Variants in RAD51 observed in about 807,000 individuals in gnomAD.
RAD51 encodes RAD51 recombinase.
In RAD51, 14 loss-of-function variants were observed where a neutral mutation model predicts 41.5. That is an observed-to-expected ratio of 0.34 (90% CI 0.22 to 0.53). The LOEUF (loss-of-function observed/expected upper bound fraction) is 0.53, where lower values mean the gene tolerates loss of function less well. Ranked by LOEUF, RAD51 falls within the 20% of genes least tolerant of loss-of-function variation. The pLI is 0.95. For missense variants in RAD51, 234 were observed against 422.0 expected, an observed-to-expected ratio of 0.55 and a Z score of 3.90; for synonymous variants, 136 against 148.6, an observed-to-expected ratio of 0.92 and a Z score of 0.62.
intron 3 of RAD51, 37 bp downstream of exon 3, chr15:40,701,238 G>A (rs2141819526): frequency 6.2e-7 from 1 of 1,608,400 alleles, no homozygotes; most frequent in Non-Finnish European, 8.5e-7. Flanking sequence ...AGGCATTAGT[G>A]GGAATAGTAC....
intron 3 of RAD51, among the ~76,000 whole-genome samples, chr15:40,704,696 A>G (rs1365627087): frequency 6.4e-5 from 8 of 124,268 alleles, no homozygotes; most frequent in African/African-American, 2.5e-4. Context: ...TTGAGATGGA[A>G]TCTCGCTGTG....
chr15:40,700,952 C>CCGGG, intron 2 of RAD51, 112 bp from the exon 3 acceptor site: 1 of 1,139,806 alleles, frequency 8.8e-7, no homozygotes, highest in East Asian at 3.0e-5. Context: ...TTTCAAGGGA[C>CCGGG]AGTTGTATTA....
At chr15:40,709,513 A>G (rs1895558744) in intron 5 of RAD51, among the ~76,000 whole-genome samples, 1 of 150,762 alleles carries the variant, frequency 6.6e-6, no homozygotes, top group Admixed American at 6.7e-5. Flanking sequence ...ACCTGGGATT[A>G]CAGGCGCCCA....
intron 5 of RAD51, 55 bp downstream of exon 5, chr15:40,709,171 T>A (rs1895535972): frequency 6.9e-7 from 1 of 1,454,346 alleles, no homozygotes; most frequent in South Asian, 1.1e-5. Context: ...TCATTCCTGC[T>A]ATTTGCAAGC....
At chr15:40,719,031 T>C (rs1303902670) in intron 6 of RAD51, 132 bp downstream of exon 6, 1 of 813,716 alleles carries the variant, frequency 1.2e-6, no homozygotes, top group Non-Finnish European at 2.1e-6. Flanking sequence ...TTCAAAAGAA[T>C]GACTTCCTTA....
At chr15:40,697,435 C>A (rs1476185946) in intron 1 of RAD51, among the ~76,000 whole-genome samples, 5 of 151,988 alleles carry the variant, frequency 3.3e-5, no homozygotes, top group Admixed American at 6.6e-5. Context: ...GTTCAGTTTT[C>A]AGTCTTTTCC....
At chr15:40,718,601 A>G (rs1041467611) in intron 5 of RAD51, among the ~76,000 whole-genome samples, 1 of 152,104 alleles carries the variant, frequency 6.6e-6, no homozygotes, top group Non-Finnish European at 1.5e-5. Flanking sequence ...GACTAGCTGT[A>G]TGTACTGAGA....
chr15:40,709,184 C>CCTAACAGATGCT, intron 5 of RAD51, 68 bp downstream of exon 5: 1 of 1,364,952 alleles, frequency 7.3e-7, no homozygotes, highest in Non-Finnish European at 1.0e-6. Flanking sequence ...TTGCAAGCAT[C>CCTAACAGATGCT]TGTTAGGATG....
intron 1 of RAD51, among the ~76,000 whole-genome samples, chr15:40,697,691 T>C (rs1894736800): frequency 6.6e-6 from 1 of 150,452 alleles, no homozygotes; most frequent in Non-Finnish European, 1.5e-5. Flanking sequence ...CATTCTCCTG[T>C]CTCAGCCTGC....
chr15:40,710,427 G>C (rs1428312351), intron 5 of RAD51, among the ~76,000 whole-genome samples: 2 of 149,420 alleles, frequency 1.3e-5, no homozygotes, highest in African/African-American at 2.5e-5. Context: ...GCTTGAACCC[G>C]GGGGGCAGAG....
chr15:40,700,997 C>A, intron 2 of RAD51, 67 bp from the exon 3 acceptor site: 1 of 1,576,726 alleles, frequency 6.3e-7, no homozygotes, highest in Non-Finnish European at 8.7e-7. Flanking sequence ...GTATGTAGGA[C>A]ACATAACATC....
At chr15:40,723,594 C>A (rs967140388) in intron 6 of RAD51, among the ~76,000 whole-genome samples, 1 of 152,046 alleles carries the variant, frequency 6.6e-6, no homozygotes, top group Non-Finnish European at 1.5e-5. Flanking sequence ...ATGTATGATT[C>A]CATTTATATG....
At chr15:40,726,146 A>ATAT (rs1160591522) in intron 6 of RAD51, among the ~76,000 whole-genome samples, 1 of 152,192 alleles carries the variant, frequency 6.6e-6, no homozygotes, top group African/African-American at 2.4e-5. Context: ...TTTCAAACTT[A>ATAT]TATGTTAAGA....
rs946303519 is a variant in RAD51, at chr15:40,698,197, T to G, written c.-2-560T>G. Among the ~76,000 whole-genome samples, 27 of 145,256 alleles carry G rather than the reference T, an allele frequency of 1.9e-4. 1 individual carries two copies. Among genetic ancestry groups the G allele is most frequent in the Non-Finnish European group, 3.3e-4 (22 of 65,974 alleles). On this transcript the variant is annotated intron_variant, in intron 1 of 9. Coordinates refer to ENST00000267868, the MANE Select transcript of RAD51 (RefSeq NM_002875.5). ...TATGAGATGAACTTTTTTTTTTTTG[T>G]TTTTTTTTTTGAGACACAGTCTCAC...
At chr15:40,725,854 C>T (rs767468849) in intron 6 of RAD51, among the ~76,000 whole-genome samples, 4 of 152,052 alleles carry the variant, frequency 2.6e-5, no homozygotes, top group South Asian at 2.1e-4. Flanking sequence ...GGCATGTTAG[C>T]GGGCACCTGT....
At chr15:40,727,607 C>T (rs781459771) in intron 6 of RAD51, among the ~76,000 whole-genome samples, 1 of 152,100 alleles carries the variant, frequency 6.6e-6, no homozygotes, top group Admixed American at 6.6e-5. Flanking sequence ...TGAGCCACTG[C>T]GCCCAGCCAT....
At chr15:40,710,225 G>GA (rs1895610713) in intron 5 of RAD51, among the ~76,000 whole-genome samples, 1 of 110,810 alleles carries the variant, frequency 9.0e-6, no homozygotes, top group African/African-American at 3.8e-5. Context: ...CTGGGCGACA[G>GA]AGCGAGACTC....
chr15:40,709,263 CT>C (rs1174212821), intron 5 of RAD51, 147 bp downstream of exon 5: 7 of 665,634 alleles, frequency 1.1e-5, no homozygotes, highest in Non-Finnish European at 1.6e-5. Context: ...TAGACTCCTA[CT>C]TCAAAATCCT....
At chr15:40,723,432 C>T (rs995025739) in intron 6 of RAD51, among the ~76,000 whole-genome samples, 4 of 152,130 alleles carry the variant, frequency 2.6e-5, no homozygotes, top group African/African-American at 9.7e-5. Flanking sequence ...AAATGTTCAT[C>T]AGCTGGTAAA....
Sources: gnomAD v4.1 joint callset for allele counts (sites outside exome capture counted in the v4.1 genomes callset) on GRCh38, gnomAD v4.1.1 for gene constraint, MANE v1.5 for transcripts, NCBI Gene and HGNC (gene_info 2026-07-23, HGNC 2026-07-21) for gene names.